The following NEDD4L variants were observed in gnomAD, a reference collection of about 807,000 sequenced individuals.
NEDD4L encodes E3 ubiquitin-protein ligase NEDD4-like.
A neutral mutation model predicts 148.9 loss-of-function variants in NEDD4L; 54 were observed. The observed-to-expected ratio is 0.36, with a 90% CI of 0.29 to 0.45. The LOEUF (loss-of-function observed/expected upper bound fraction) is 0.45. Ranked by LOEUF, NEDD4L falls within the 20% of genes least tolerant of loss-of-function variation. NEDD4L has a pLI of 1.00. For synonymous variants in NEDD4L, 433 were observed against 440.7 expected (o/e 0.98, Z 0.22); for missense variants, 856 against 1,233.8 (o/e 0.69, Z 4.59).
At chr18:58,311,346 T>C (rs2057675302) in intron 5 of NEDD4L, among the ~76,000 whole-genome samples, 1 of 152,198 alleles carries the variant, frequency 6.6e-6, no homozygotes, top group African/African-American at 2.4e-5. Context: ...GATACATAGC[T>C]CCAGAAATAC....
chr18:58,324,159 G>A (rs185013986), intron 8 of NEDD4L, among the ~76,000 whole-genome samples: 37 of 152,278 alleles, frequency 2.4e-4, no homozygotes, highest in African/African-American at 8.4e-4. Flanking sequence ...ATTTATGAAT[G>A]TTAACATTTC....
chr18:58,124,823 A>G (rs572299514), intron 1 of NEDD4L, among the ~76,000 whole-genome samples: 1 of 152,368 alleles, frequency 6.6e-6, no homozygotes, highest in Non-Finnish European at 1.5e-5. Context: ...GCCTGACACC[A>G]TTCTAAGCAT....
At chr18:58,303,001 A>G (rs925564246) in intron 5 of NEDD4L, among the ~76,000 whole-genome samples, 1 of 152,236 alleles carries the variant, frequency 6.6e-6, no homozygotes, top group African/African-American at 2.4e-5. Flanking sequence ...GACTAGGGTG[A>G]GGCAAGAGAG....
At chr18:58,101,260 A>T (rs2084736534) in intron 1 of NEDD4L, among the ~76,000 whole-genome samples, 2 of 152,206 alleles carry the variant, frequency 1.3e-5, no homozygotes, top group Admixed American at 6.5e-5. Context: ...AGAAAGACTT[A>T]GATAAGTGGA....
intron 1 of NEDD4L, among the ~76,000 whole-genome samples, chr18:58,158,754 C>T (rs939746347): frequency 2.0e-5 from 3 of 152,112 alleles, no homozygotes; most frequent in South Asian, 2.1e-4. Flanking sequence ...TTGCCTCTGT[C>T]GGTGTCATCT....
At chr18:58,169,786 T>C (rs1027216976) in intron 2 of NEDD4L, among the ~76,000 whole-genome samples, 30 of 152,156 alleles carry the variant, frequency 2.0e-4, no homozygotes, top group Non-Finnish European at 5.9e-5. Flanking sequence ...GCCCATCCTA[T>C]GTTCACCAGC....
intron 1 of NEDD4L, among the ~76,000 whole-genome samples, chr18:58,067,756 G>T (rs553755441): frequency 2.0e-5 from 3 of 152,334 alleles, no homozygotes; most frequent in Admixed American, 1.3e-4. Context: ...ATGTTGTACA[G>T]TGTTGTGCAG....
chr18:58,191,710 A>G (rs777348679), intron 2 of NEDD4L, among the ~76,000 whole-genome samples: 2 of 152,212 alleles, frequency 1.3e-5, no homozygotes, highest in Non-Finnish European at 1.5e-5. Context: ...GCATGCACAG[A>G]TAACAGGCAT....
chr18:58,356,371 G>A (rs775525963), intron 18 of NEDD4L, among the ~76,000 whole-genome samples: 44 of 140,070 alleles, frequency 3.1e-4, no homozygotes, highest in Non-Finnish European at 5.6e-4. Flanking sequence ...CCCACCCCCC[G>A]TACCTTTCAT....
intron 2 of NEDD4L, among the ~76,000 whole-genome samples, chr18:58,203,741 AT>A (rs2041682911): frequency 1.3e-5 from 2 of 150,556 alleles, no homozygotes; most frequent in South Asian, 4.2e-4. Context: ...GAAATTCTCC[AT>A]TTGGTAGTTG....
chr18:58,187,777 T>C (rs58483113), intron 2 of NEDD4L, among the ~76,000 whole-genome samples: 43,492 of 152,112 alleles, frequency 0.29, 6,368 homozygotes, highest in East Asian at 0.46. Flanking sequence ...AAAGCAAATA[T>C]GGAAATCACA....
intron 1 of NEDD4L, among the ~76,000 whole-genome samples, chr18:58,106,349 A>G (rs1484536609): frequency 6.6e-6 from 1 of 152,224 alleles, no homozygotes; most frequent in Non-Finnish European, 1.5e-5. Flanking sequence ...ATCTGTAGGT[A>G]TTTAAGATAA....
Position 58,256,858 on chromosome 18 carries a change from C to A in NEDD4L, c.297+4804C>A. 8.6e-7 allele frequency: 1 copy of A among 1,167,842 alleles called. No individual in the cohort carries two copies. The highest frequency in any genetic ancestry group is 1.1e-6 in the Non-Finnish European group (1 of 930,118). 72.3% of individuals were successfully genotyped at this position (1,167,842 alleles called of 1,614,324 possible). A position where few individuals can be genotyped will look rare whatever the true frequency, so the allele number is the denominator to read the frequency against. Reference sequence around the variant, plus strand: ...GGCGTAACCAAAATAAAACCTCACCCTCTGTTCCGGGAGTTTCCCTGCTTC... The same window carrying A: ...GGCGTAACCAAAATAAAACCTCACCATCTGTTCCGGGAGTTTCCCTGCTTC... On this transcript the variant is annotated intron_variant, in intron 5 of 30. Transcript: ENST00000400345. This position sits in a 1 kb window ranked among gnomAD's most constrained non-coding sequence, Gnocchi z 5.2.
intron 1 of NEDD4L, among the ~76,000 whole-genome samples, chr18:58,075,696 C>T (rs1369467531): frequency 2.0e-5 from 3 of 152,048 alleles, no homozygotes; most frequent in Admixed American, 6.6e-5. Context: ...AAGGCTGAGG[C>T]GGGAGGGTCA....
At chr18:58,344,456 A>G (rs1363279737) in intron 16 of NEDD4L, among the ~76,000 whole-genome samples, 1 of 152,236 alleles carries the variant, frequency 6.6e-6, no homozygotes, top group Non-Finnish European at 1.5e-5. Flanking sequence ...AGTGATGACC[A>G]GAAATGCCCT....
chr18:58,335,619 G>T, intron 13 of NEDD4L, 82 bp downstream of exon 13: 1 of 1,051,008 alleles, frequency 9.5e-7, no homozygotes, highest in Non-Finnish European at 1.5e-6. Flanking sequence ...AATATACGCT[G>T]TTTTTAAAAA....
intron 1 of NEDD4L, among the ~76,000 whole-genome samples, chr18:58,055,378 A>C (rs1568149209): frequency 6.6e-6 from 1 of 152,166 alleles, no homozygotes; most frequent in African/African-American, 2.4e-5. Flanking sequence ...ATTATAGGTA[A>C]TTTTTTATTG....
chr18:58,080,099 A>AT (rs755734344), intron 1 of NEDD4L, among the ~76,000 whole-genome samples: 30 of 151,932 alleles, frequency 2.0e-4, no homozygotes, highest in Non-Finnish European at 3.7e-4. Flanking sequence ...TAAGTTTTAA[A>AT]TTTTTTGTAG....
At chr18:58,312,673 T>G (rs1447489168) in intron 5 of NEDD4L, among the ~76,000 whole-genome samples, 1 of 132,348 alleles carries the variant, frequency 7.6e-6, no homozygotes, top group Non-Finnish European at 1.5e-5. Flanking sequence ...GAAGACATTT[T>G]TTGTTTGTTT....
Sources: gnomAD v4.1 joint callset for allele counts (sites outside exome capture counted in the v4.1 genomes callset) on GRCh38, gnomAD v4.1.1 for gene constraint, Gnocchi (gnomAD v3.1) non-coding constraint, MANE v1.5 for transcripts, NCBI Gene and HGNC (gene_info 2026-07-23, HGNC 2026-07-21) for gene names.